ALOX5AP: variants seen among roughly 807,000 people sequenced by gnomAD.
ALOX5AP encodes arachidonate 5-lipoxygenase-activating protein.
ALOX5AP carries 9 observed loss-of-function variants against 18.5 expected under a neutral mutation model. The ratio of observed to expected loss-of-function variants is 0.49; its 90% confidence interval spans 0.29 to 0.85. The LOEUF (loss-of-function observed/expected upper bound fraction) is 0.85. ALOX5AP is among the 40% of genes least tolerant of loss of function. The pLI, the probability that ALOX5AP is intolerant of heterozygous loss-of-function variation, is 0.08. For synonymous variants in ALOX5AP, 81 were observed against 78.6 expected, an observed-to-expected ratio of 1.03 and a Z score of -0.16; for missense variants, 172 against 202.5, an observed-to-expected ratio of 0.85 and a Z score of 0.91.
At chr13:30,762,816 T>C (rs1379048567) in intron 4 of ALOX5AP, among the ~76,000 whole-genome samples, 1 of 152,102 alleles carries the variant, frequency 6.6e-6, no homozygotes. Flanking sequence ...GGATCTTTAC[T>C]AACAATCCTC....
intron 1 of ALOX5AP, among the ~76,000 whole-genome samples, chr13:30,722,805 T>A (rs774213002): frequency 6.6e-6 from 1 of 152,220 alleles, no homozygotes; most frequent in Admixed American, 6.5e-5. Flanking sequence ...CTGCAAGAAC[T>A]GATTGTTAAA....
chr13:30,740,771 T>A, intron 1 of ALOX5AP, among the ~76,000 whole-genome samples: 1 of 152,050 alleles, frequency 6.6e-6, no homozygotes. Flanking sequence ...TATTAAAGAT[T>A]CTGGAAGTGG....
intron 1 of ALOX5AP, among the ~76,000 whole-genome samples, chr13:30,743,440 T>C (rs1174260612): frequency 6.6e-6 from 1 of 152,040 alleles, no homozygotes; most frequent in Non-Finnish European, 1.5e-5. Flanking sequence ...CATAGATACA[T>C]GTCATTGAAA....
At chr13:30,743,673 AT>A (rs1951785527) in intron 1 of ALOX5AP, among the ~76,000 whole-genome samples, 2 of 152,056 alleles carry the variant, frequency 1.3e-5, no homozygotes, top group South Asian at 4.1e-4. Context: ...CTTAGATGTC[AT>A]TCCCTCAAGG....
Position 30,764,088 on chromosome 13 carries a change from T to A in ALOX5AP, c.468T>A (p.Pro156=). 3.7e-6 allele frequency: 6 copies of A among 1,614,072 alleles called. No homozygotes were observed. The highest frequency in any genetic ancestry group is 5.1e-6 in the Non-Finnish European group (6 of 1,179,958). ...YIKTISTTIS[P]LLLIP ...AGACGATCTCCACCACCATCTCCCC[T>A]CTACTTCTCATTCCCTAACTCTCTG... The change falls in exon 5 of 5, where the codon CCT becomes CCA. Residue 156 remains proline, a synonymous_variant. Transcript: ENST00000380490.
intron 1 of ALOX5AP, among the ~76,000 whole-genome samples, chr13:30,717,927 G>A (rs1029079765): frequency 1.3e-5 from 2 of 151,634 alleles, no homozygotes; most frequent in African/African-American, 4.8e-5. Flanking sequence ...GGTGAAAGGG[G>A]TAGGGGGAGT....
intron 1 of ALOX5AP, among the ~76,000 whole-genome samples, chr13:30,737,314 T>C (rs1289321852): frequency 6.6e-6 from 1 of 152,168 alleles, no homozygotes; most frequent in East Asian, 1.9e-4. Flanking sequence ...CCTCTCCTAA[T>C]GGAGGTGCAC....
At chr13:30,751,955 G>C (rs1431650059) in intron 2 of ALOX5AP, 97 bp from the exon 3 acceptor site, 1 of 1,167,318 alleles carries the variant, frequency 8.6e-7, no homozygotes. Context: ...TTTCATGCAC[G>C]ATGGTGATTA....
At chr13:30,730,815 T>A (rs146168646), upstream of ALOX5AP, among the ~76,000 whole-genome samples, 488 of 151,486 alleles carry the variant, frequency 3.2e-3, 2 homozygotes, top group African/African-American at 0.011. Context: ...CGTCCCTGAA[T>A]TGTTGCCCCC....
exon 1 of ALOX5AP, chr13:30,713,600 C>A: frequency 1.5e-6 from 1 of 687,626 alleles, no homozygotes; most frequent in African/African-American, 1.8e-5. Context: ...CACCTTTGCC[C>A]CCTCACACCT....
At chr13:30,744,863 G>C (rs1951797001) in intron 2 of ALOX5AP, among the ~76,000 whole-genome samples, 3 of 152,190 alleles carry the variant, frequency 2.0e-5, no homozygotes, top group Non-Finnish European at 4.4e-5. Flanking sequence ...TGGGGACTAT[G>C]GACTACGGAC....
chr13:30,760,351 C>A (rs1202268005), intron 4 of ALOX5AP, among the ~76,000 whole-genome samples: 1 of 152,124 alleles, frequency 6.6e-6, no homozygotes, highest in African/African-American at 2.4e-5. Flanking sequence ...CAGCCTCAGT[C>A]TCCCAAAGTG....
At chr13:30,741,956 G>T (rs1951770363) in intron 1 of ALOX5AP, among the ~76,000 whole-genome samples, 1 of 151,158 alleles carries the variant, frequency 6.6e-6, no homozygotes, top group African/African-American at 2.4e-5. Context: ...GTTCCAGAAA[G>T]AAAATGATCA....
In ALOX5AP at chr13:30,744,312, T is replaced by A. The variant is rs1038494940; in HGVS notation, c.170+153T>A. ...GAAGGTTGGACTTCACCAGAGAGGC[T>A]TTGTGGACACCCTTTATCATCTTAG... On this transcript the variant is annotated intron_variant, in intron 2 of 4. Coordinates refer to ENST00000380490, the MANE Select transcript of ALOX5AP (RefSeq NM_001629.4). 4.7e-6 allele frequency: 3 copies of A among 632,894 alleles called. No homozygotes were observed. In the Admixed American group the frequency reaches 7.7e-5, roughly 16 times the overall value. The allele number at this position is 632,894 out of a possible 1,614,324, so 39.2% of individuals were successfully genotyped here.
chr13:30,717,440 C>T (rs1253983315), intron 1 of ALOX5AP, among the ~76,000 whole-genome samples: 2 of 152,158 alleles, frequency 1.3e-5, no homozygotes, highest in African/African-American at 4.8e-5. Flanking sequence ...GATCCTCAAG[C>T]CTAAACCCTC....
chr13:30,722,118 C>T (rs1253558880), intron 1 of ALOX5AP, among the ~76,000 whole-genome samples: 1 of 152,158 alleles, frequency 6.6e-6, no homozygotes, highest in African/African-American at 2.4e-5. Flanking sequence ...AGATAGAAGT[C>T]GAAGTTGAAG....
intron 1 of ALOX5AP, among the ~76,000 whole-genome samples, chr13:30,739,099 C>T (rs1951742649): frequency 6.6e-6 from 1 of 152,148 alleles, no homozygotes; most frequent in South Asian, 2.1e-4. Context: ...CCTCCACCGC[C>T]TCCACCGGCT....
intron 2 of ALOX5AP, among the ~76,000 whole-genome samples, chr13:30,751,251 A>G (rs575654478): frequency 3.6e-4 from 55 of 152,098 alleles, no homozygotes; most frequent in African/African-American, 1.3e-3. Flanking sequence ...TTTAGTAGAG[A>G]CAGGGTTTCA....
intron 3 of ALOX5AP, among the ~76,000 whole-genome samples, chr13:30,753,686 G>C (rs1051076107): frequency 6.6e-6 from 1 of 152,182 alleles, no homozygotes; most frequent in East Asian, 1.9e-4. Context: ...TGGCTTGAAC[G>C]AACATCAGAA....
Sources: gnomAD v4.1 joint callset for allele counts (sites outside exome capture counted in the v4.1 genomes callset) on GRCh38, gnomAD v4.1.1 for gene constraint, MANE v1.5 for transcripts, NCBI Gene and HGNC (gene_info 2026-07-23, HGNC 2026-07-21) for gene names.